PITPNM3: variants seen among roughly 807,000 people sequenced by gnomAD.
PITPNM3 encodes membrane-associated phosphatidylinositol transfer protein 3.
In PITPNM3, 26 loss-of-function variants were observed where a neutral mutation model predicts 102.0. That is an observed-to-expected ratio of 0.25 (90% CI 0.19 to 0.35). The LOEUF (loss-of-function observed/expected upper bound fraction) is 0.35. Ranked by LOEUF, PITPNM3 falls within the 10% of genes least tolerant of loss-of-function variation. The pLI is 1.00. For synonymous variants in PITPNM3, 578 were observed against 558.6 expected (o/e 1.03, Z -0.49); for missense variants, 1,083 against 1,346.1 (o/e 0.80, Z 3.06).
At chr17:6,516,638 G>A (rs1427132554) in intron 3 of PITPNM3, among the ~76,000 whole-genome samples, 2 of 150,472 alleles carry the variant, frequency 1.3e-5, no homozygotes, top group Non-Finnish European at 2.9e-5. Context: ...AGTAGTGAAA[G>A]AGCACAGCCA....
intron 1 of PITPNM3, among the ~76,000 whole-genome samples, chr17:6,555,753 G>A (rs773134544): frequency 5.3e-5 from 8 of 152,166 alleles, no homozygotes; most frequent in Admixed American, 6.5e-5. Flanking sequence ...CAAACCACAG[G>A]CTACACCGTC....
chr17:6,525,277 G>A, intron 3 of PITPNM3, 79 bp downstream of exon 3: 1 of 1,282,904 alleles, frequency 7.8e-7, no homozygotes, highest in East Asian at 2.3e-5. Flanking sequence ...CCAAGCCCCA[G>A]CCCCAGTCAC....
At chr17:6,529,905 C>T (rs547233141) in intron 2 of PITPNM3, among the ~76,000 whole-genome samples, 9 of 152,322 alleles carry the variant, frequency 5.9e-5, no homozygotes, top group East Asian at 5.8e-4. Context: ...GGTTCCATGG[C>T]GTTCTCTTTT....
intron 3 of PITPNM3, among the ~76,000 whole-genome samples, chr17:6,504,501 T>A (rs1907371124): frequency 6.6e-6 from 1 of 152,102 alleles, no homozygotes; most frequent in Non-Finnish European, 1.5e-5. Flanking sequence ...AATCCTGGGG[T>A]CATGGCCCCC....
Position 6,464,227 on chromosome 17 carries a change from T to C in PITPNM3, c.2099A>G (p.Asn700Ser). 2 of 1,614,080 alleles carry C rather than the reference T, an allele frequency of 1.2e-6. No homozygotes were observed. Among genetic ancestry groups the C allele is most frequent in the Non-Finnish European group, 1.7e-6 (2 of 1,180,008 alleles). The change falls in exon 16 of 20, where the codon AAT becomes AGT. Residue 700 changes from asparagine to serine, a missense_variant. By Grantham distance (46) the Asn-to-Ser change is conservative. Around this residue, in one of 5 missense-constraint regions of PITPNM3, gnomAD observed 410 missense variants for 638.4 expected, o/e 0.64. Transcript: ENST00000262483. Reference protein sequence around the residue: ...ITNSSGRITYNVPRPRRLGVG... With the variant: ...ITNSSGRITYSVPRPRRLGVG... The stretch of plus-strand genomic sequence containing the variant: ...CCCCAGGCGCCGGGGCCGCGGCACA[T>C]TGTATGTGATGCGACCACTGCTGTT...
At chr17:6,548,214 C>A (rs556159153) in intron 1 of PITPNM3, among the ~76,000 whole-genome samples, 1 of 152,316 alleles carries the variant, frequency 6.6e-6, no homozygotes, top group Admixed American at 6.5e-5. Context: ...TGCTGGACTG[C>A]AACTGAGCAA....
In PITPNM3 at chr17:6,468,157, G is replaced by T; in HGVS notation, c.1890+68C>A. 1 of 1,485,180 alleles carries T rather than the reference G, an allele frequency of 6.7e-7. No individual in the cohort carries two copies. Among genetic ancestry groups the T allele is most frequent in the Non-Finnish European group, 9.4e-7 (1 of 1,067,292 alleles). The allele number at this position is 1,485,180 out of a possible 1,614,324, so 92.0% of individuals were successfully genotyped here. On this transcript the variant is annotated intron_variant, in intron 14 of 19. Transcript: ENST00000262483. This position sits in a 1 kb window ranked among gnomAD's most constrained non-coding sequence, Gnocchi z 5.2. ...GCTTACCTCCCATGTGGATGCCCCA[G>T]CCCCCGGGCCAGCCCCACCTCCCGG... is the stretch of plus-strand genomic sequence containing the variant.
At chr17:6,496,707 C>T (rs1185473433) in intron 4 of PITPNM3, among the ~76,000 whole-genome samples, 1 of 152,142 alleles carries the variant, frequency 6.6e-6, no homozygotes, top group East Asian at 1.9e-4. Flanking sequence ...ATGATGTTGG[C>T]ATATAAAGGT....
intron 4 of PITPNM3, among the ~76,000 whole-genome samples, chr17:6,502,692 G>C (rs754862562): frequency 1.3e-4 from 20 of 152,128 alleles, no homozygotes; most frequent in Admixed American, 2.6e-4. Flanking sequence ...GAGAAGTCAG[G>C]AAAGTTCTGA....
Position 6,537,273 on chromosome 17 carries a change from T to TC in PITPNM3, c.118+713_118+714insG. Among the ~76,000 whole-genome samples the TC allele has an allele frequency of 6.7e-6, 1 of 149,518 alleles. No homozygotes were observed. The highest frequency in any genetic ancestry group is 1.5e-5 in the Non-Finnish European group (1 of 67,484). On this transcript the variant is annotated intron_variant, in intron 2 of 19. Transcript: ENST00000262483. The surrounding 1 kb of genome is among the most constrained non-coding windows in gnomAD (Gnocchi z 4.4). ...TTTTCTTTCTTTTTTTTTTTTTTTTTTCTGAGACAGAGTATCGCTCTGTCT... is the reference window on the plus strand; with the variant it reads ...TTTTCTTTCTTTTTTTTTTTTTTTTTCTCTGAGACAGAGTATCGCTCTGTCT...
intron 8 of PITPNM3, among the ~76,000 whole-genome samples, chr17:6,477,588 C>T (rs1353461466): frequency 6.6e-6 from 1 of 152,188 alleles, no homozygotes; most frequent in Non-Finnish European, 1.5e-5. Flanking sequence ...CTCTGTCACA[C>T]AGGCTGGAGT....
At chr17:6,460,574 T>C (rs986559381) in intron 18 of PITPNM3, 1 of 152,540 alleles carries the variant, frequency 6.6e-6, no homozygotes, top group African/African-American at 2.4e-5. Flanking sequence ...TTGGCTGTGT[T>C]CCAATCAAAC....
rs374433633 is a variant in PITPNM3 at position 6,521,874 on chromosome 17, A to ATG, written c.226+3480_226+3481dup. Among the ~76,000 whole-genome samples, 530 of 152,330 alleles carry ATG rather than the reference A, an allele frequency of 3.5e-3. 5 individuals carry two copies. The highest frequency in any genetic ancestry group is 0.012 in the African/African-American group (507 of 41,584). Reference sequence around the variant, plus strand: ...TCAGCCTGTGGATGGCAAGGAGCTGATGTGGCACCCACTTTATAGCAGGGA... The same window carrying ATG: ...TCAGCCTGTGGATGGCAAGGAGCTGATGTGTGGCACCCACTTTATAGCAGGGA... On this transcript the variant is annotated intron_variant, in intron 3 of 19. Coordinates refer to ENST00000262483, the MANE Select transcript of PITPNM3 (RefSeq NM_031220.4).
chr17:6,516,571 A>AAG (rs1437497067), intron 3 of PITPNM3, among the ~76,000 whole-genome samples: 1 of 151,670 alleles, frequency 6.6e-6, no homozygotes, highest in Non-Finnish European at 1.5e-5. Context: ...CTCAAAAAAA[A>AAG]AAAAAAAACA....
rs1438668286 is a variant in PITPNM3 at position 6,469,995 on chromosome 17, C to A, written c.1773+265G>T. Among the ~76,000 whole-genome samples the A allele has an allele frequency of 2.0e-5, 3 of 152,232 alleles. No individual in the cohort carries two copies. The highest frequency in any genetic ancestry group is 4.4e-5 in the Non-Finnish European group (3 of 68,040). On this transcript the variant is annotated intron_variant, in intron 13 of 19. Coordinates refer to ENST00000262483, the MANE Select transcript of PITPNM3 (RefSeq NM_031220.4). This position sits in a 1 kb window ranked among gnomAD's most constrained non-coding sequence, Gnocchi z 4.0. ...CTACTCCAGTCTCCAAGTTGAAACACTGGGACACTCTCCTGCGTAGTTTAT... is the reference window on the plus strand; with the variant it reads ...CTACTCCAGTCTCCAAGTTGAAACAATGGGACACTCTCCTGCGTAGTTTAT...
chr17:6,473,658 AGAG>A (rs1448544460), intron 10 of PITPNM3, among the ~76,000 whole-genome samples: 1 of 152,062 alleles, frequency 6.6e-6, no homozygotes, highest in Non-Finnish European at 1.5e-5. Flanking sequence ...TGTACATTTT[AGAG>A]GAGCAGGAAA....
Position 6,472,710 on chromosome 17 carries a change from C to T in PITPNM3, c.1376G>A (p.Ser459Asn). 1.2e-6 allele frequency: 2 copies of T among 1,614,050 alleles called. No individual in the cohort carries two copies. The highest frequency in any genetic ancestry group is 1.7e-6 in the Non-Finnish European group (2 of 1,179,996). ...TGGGAACCTCTGGTAGCGAGGCACG[C>T]TGACAGGCGGCACCAGGTGGAACTT... ...EPKFHLVPPV[S>N]VPRYQRFPLG... Residue 459 changes from serine to asparagine, a missense_variant, in exon 11 of 20, where the codon AGC (serine) becomes AAC (asparagine). This residue lies in a region of PITPNM3 where 410 missense variants were observed against 638.4 expected (regional missense o/e 0.64). Coordinates refer to ENST00000262483, the MANE Select transcript of PITPNM3 (RefSeq NM_031220.4). This position sits in a 1 kb window ranked among gnomAD's most constrained non-coding sequence, Gnocchi z 4.1.
chr17:6,471,470 T>C, intron 11 of PITPNM3, 115 bp from the exon 12 acceptor site: 1 of 1,053,770 alleles, frequency 9.5e-7, no homozygotes, highest in Non-Finnish European at 1.3e-6. Flanking sequence ...CAGCCCCGGC[T>C]CTGCTCACTT....
intron 1 of PITPNM3, among the ~76,000 whole-genome samples, chr17:6,552,353 C>A (rs1479783905): frequency 6.6e-6 from 1 of 152,126 alleles, no homozygotes; most frequent in Non-Finnish European, 1.5e-5. Flanking sequence ...AGAGGGGCAG[C>A]CTGTTGGGGT....
Sources: allele counts gnomAD v4.1 joint callset (sites outside exome capture counted in the v4.1 genomes callset), GRCh38; gene constraint gnomAD v4.1.1; regional missense constraint gnomAD v4.1.1; non-coding constraint Gnocchi (gnomAD v3.1); transcripts MANE v1.5; gene names NCBI Gene and HGNC (gene_info 2026-07-23, HGNC 2026-07-21).